The following SNX25 variants were observed in gnomAD, a reference collection of about 807,000 sequenced individuals.
SNX25 encodes sorting nexin 25.
In SNX25, 62 loss-of-function variants were observed where a neutral mutation model predicts 113.7. The observed-to-expected ratio is 0.55, with a 90% CI of 0.44 to 0.67. The LOEUF is 0.67. SNX25 is among the 30% of genes least tolerant of loss of function. The pLI is 0.00. For synonymous variants in SNX25, 421 were observed against 436.2 expected, an observed-to-expected ratio of 0.97 and a Z score of 0.43; for missense variants, 1,014 against 1,161.0, an observed-to-expected ratio of 0.87 and a Z score of 1.84.
At chr4:185,220,956 T>C (rs916073748) in intron 1 of SNX25, among the ~76,000 whole-genome samples, 1 of 152,092 alleles carries the variant, frequency 6.6e-6, no homozygotes, top group Non-Finnish European at 1.5e-5. Flanking sequence ...ATCAGCCTCC[T>C]GGGCTCTTGT....
At chr4:185,251,595 T>TTGTG (rs1251669374) in intron 2 of SNX25, among the ~76,000 whole-genome samples, 5 of 125,198 alleles carry the variant, frequency 4.0e-5, no homozygotes, top group African/African-American at 1.7e-4. Context: ...TGATATTCCA[T>TTGTG]TGCGTGTGTG....
In SNX25 at chr4:185,334,891, C is replaced by T. The variant is rs1417973444; in HGVS notation, c.1914+2132C>T. Among the ~76,000 whole-genome samples the T allele has an allele frequency of 6.6e-6, 1 of 152,190 alleles. No homozygotes were observed. Among genetic ancestry groups the T allele is most frequent in the Non-Finnish European group, 1.5e-5 (1 of 68,036 alleles). On this transcript the variant is annotated intron_variant, in intron 10 of 18. Transcript: ENST00000652585. This position sits in a 1 kb window ranked among gnomAD's most constrained non-coding sequence, Gnocchi z 4.2. Reference sequence around the variant, plus strand: ...TTGTCCACAGGCTGCTCACGGAGCACTCTGCTTCTGGCAGTTGTGCACAGG... The same window carrying T: ...TTGTCCACAGGCTGCTCACGGAGCATTCTGCTTCTGGCAGTTGTGCACAGG...
chr4:185,292,590 G>T (rs1400974778), intron 6 of SNX25, among the ~76,000 whole-genome samples: 3 of 151,964 alleles, frequency 2.0e-5, no homozygotes, highest in African/African-American at 4.8e-5. Flanking sequence ...TTTAGTAGAG[G>T]TTGGGTTTCA....
chr4:185,250,308 A>G (rs1745461556), intron 2 of SNX25, among the ~76,000 whole-genome samples: 2 of 152,182 alleles, frequency 1.3e-5, no homozygotes, highest in Non-Finnish European at 2.9e-5. Context: ...TCCCTGGTGG[A>G]CAGTAGTTGG....
intron 2 of SNX25, among the ~76,000 whole-genome samples, chr4:185,248,464 C>CA (rs144350688): frequency 0.069 from 10,520 of 152,084 alleles, 447 homozygotes; most frequent in Middle Eastern, 0.099. Flanking sequence ...CCAGCCTGGG[C>CA]AACATGGTGA....
chr4:185,265,196 G>A (rs374275484), intron 4 of SNX25, among the ~76,000 whole-genome samples: 20 of 152,202 alleles, frequency 1.3e-4, no homozygotes, highest in East Asian at 3.9e-4. Flanking sequence ...TTGATAATGC[G>A]TATACAGTAA....
At chr4:185,219,845 G>T (rs1739506705) in intron 1 of SNX25, among the ~76,000 whole-genome samples, 1 of 151,446 alleles carries the variant, frequency 6.6e-6, no homozygotes, top group Non-Finnish European at 1.5e-5. Flanking sequence ...TGTTATACAT[G>T]AAATTAACAT....
chr4:185,368,528 G>GAC (rs1236059352), downstream of SNX25, among the ~76,000 whole-genome samples: 1 of 152,156 alleles, frequency 6.6e-6, no homozygotes, highest in East Asian at 1.9e-4. Flanking sequence ...CCGCTGTCGG[G>GAC]ACACCTTGTG....
chr4:185,244,867 T>C (rs1744604756), intron 1 of SNX25, among the ~76,000 whole-genome samples: 1 of 152,170 alleles, frequency 6.6e-6, no homozygotes, highest in African/African-American at 2.4e-5. Flanking sequence ...AGACTTTTGT[T>C]TGTTTTTAAT....
At chr4:185,249,658 A>T (rs963519803) in intron 2 of SNX25, among the ~76,000 whole-genome samples, 1 of 144,804 alleles carries the variant, frequency 6.9e-6, no homozygotes, top group Non-Finnish European at 1.5e-5. Context: ...AGATAGGATG[A>T]TGATGATTTT....
At chr4:185,290,010 C>T (rs1490248255) in intron 6 of SNX25, among the ~76,000 whole-genome samples, 3 of 152,210 alleles carry the variant, frequency 2.0e-5, no homozygotes, top group Non-Finnish European at 4.4e-5. Flanking sequence ...CTCTCCCTGT[C>T]TGCAGATGGC....
Position 185,298,813 on chromosome 4 carries a change from C to A in SNX25, c.1162+10731C>A, listed in dbSNP as rs146070283. On this transcript the variant is annotated intron_variant, in intron 6 of 18. Coordinates refer to ENST00000652585, the MANE Select transcript of SNX25 (RefSeq NM_001378034.2). ...TATAGTTTATATCTACTGTCTCTTT[C>A]TTCATTGTTCACAGCCCTCCCTCCC... Among the ~76,000 whole-genome samples, 17 of 152,262 alleles carry A rather than the reference C, an allele frequency of 1.1e-4. No homozygotes were observed. In the East Asian group the frequency reaches 3.3e-3, roughly 29 times the overall value.
intron 6 of SNX25, among the ~76,000 whole-genome samples, chr4:185,303,034 A>G (rs1478547890): frequency 6.6e-6 from 1 of 152,212 alleles, no homozygotes; most frequent in African/African-American, 2.4e-5. Context: ...TAACACCTGC[A>G]TTTTATAACA....
At position 185,271,195 on chromosome 4, in the gene SNX25, T is replaced by C. The variant is rs558705050; in HGVS notation, c.1091+4040T>C. Among the ~76,000 whole-genome samples, 16 of 152,314 alleles carry C rather than the reference T, an allele frequency of 1.1e-4. No homozygotes were observed. In the East Asian group the frequency reaches 3.1e-3, roughly 29 times the overall value. On this transcript the variant is annotated intron_variant, in intron 5 of 18. Coordinates refer to ENST00000652585, the MANE Select transcript of SNX25 (RefSeq NM_001378034.2). ...TCTGTCTTCCTTCTTACTACTAGGC[T>C]TTGTGTTTCCAGCAGAGTTTGCAGA... is the stretch of plus-strand genomic sequence containing the variant.
intron 2 of SNX25, among the ~76,000 whole-genome samples, chr4:185,250,722 GTT>G (rs61427126): frequency 7.0e-4 from 100 of 143,352 alleles, no homozygotes; most frequent in South Asian, 1.3e-3. Flanking sequence ...TCAGTTTATG[GTT>G]TTTTTTTTTT....
chr4:185,231,291 G>T (rs1741816487), intron 1 of SNX25, among the ~76,000 whole-genome samples: 1 of 151,354 alleles, frequency 6.6e-6, no homozygotes, highest in Admixed American at 6.6e-5. Flanking sequence ...AGTAGAGACG[G>T]GGTTTCACTG....
At chr4:185,374,738 A>G (rs2095427511), downstream of SNX25, among the ~76,000 whole-genome samples, 1 of 152,118 alleles carries the variant, frequency 6.6e-6, no homozygotes, top group African/African-American at 2.4e-5. Context: ...TTAAGTCTCG[A>G]TATGGGCTTC....
At chr4:185,266,666 T>G (rs1748134173) in intron 4 of SNX25, among the ~76,000 whole-genome samples, 1 of 152,172 alleles carries the variant, frequency 6.6e-6, no homozygotes, top group Non-Finnish European at 1.5e-5. Flanking sequence ...CCGGCCTTAA[T>G]TTTGATAGAT....
intron 6 of SNX25, among the ~76,000 whole-genome samples, chr4:185,293,870 C>A (rs746113157): frequency 6.6e-6 from 1 of 151,916 alleles, no homozygotes; most frequent in African/African-American, 2.4e-5. Flanking sequence ...AAAACACGAT[C>A]GTTTATAAAC....
Sources: allele counts gnomAD v4.1 joint callset (sites outside exome capture counted in the v4.1 genomes callset), GRCh38; gene constraint gnomAD v4.1.1; non-coding constraint Gnocchi (gnomAD v3.1); transcripts MANE v1.5; gene names NCBI Gene and HGNC (gene_info 2026-07-23, HGNC 2026-07-21).